ADAMTS13: variants seen among roughly 807,000 people sequenced by gnomAD.
The protein encoded by ADAMTS13 is A disintegrin and metalloproteinase with thrombospondin motifs 13.
ADAMTS13 carries 110 observed loss-of-function variants against 155.1 expected under a neutral mutation model. The observed-to-expected ratio is 0.71, with a 90% CI of 0.61 to 0.83. ADAMTS13 has a LOEUF of 0.83. Ranked by LOEUF, ADAMTS13 falls within the 40% of genes least tolerant of loss-of-function variation. The pLI, the probability that ADAMTS13 is intolerant of heterozygous loss-of-function variation, is 0.00. For missense variants in ADAMTS13, 1,707 were observed against 1,891.7 expected (o/e 0.90, Z 1.81); for synonymous variants, 758 against 756.4 (o/e 1.00, Z -0.03).
chr9:133,434,686 T>G (rs782734460), intron 11 of ADAMTS13, among the ~76,000 whole-genome samples: 3 of 152,230 alleles, frequency 2.0e-5, no homozygotes, highest in African/African-American at 4.8e-5. Context: ...TGGCCTTTAG[T>G]ACACTCACAA....
intron 1 of ADAMTS13, 66 bp from the exon 2 acceptor site, chr9:133,423,035 C>G: frequency 6.8e-7 from 1 of 1,480,444 alleles, no homozygotes; most frequent in Non-Finnish European, 9.4e-7. Flanking sequence ...CTCGGTCTCC[C>G]CAAGTGTTAG....
chr9:133,442,579 A>G (rs1554791170), intron 17 of ADAMTS13, 35 bp from the exon 18 acceptor site: 1 of 1,613,230 alleles, frequency 6.2e-7, no homozygotes, highest in African/African-American at 1.3e-5. Context: ...TTGCCCCTGC[A>G]GGGAGGCGGC....
At chr9:133,430,486 G>A (rs1015186331) in intron 8 of ADAMTS13, among the ~76,000 whole-genome samples, 1 of 152,074 alleles carries the variant, frequency 6.6e-6, no homozygotes. Context: ...AGCAGAAGTG[G>A]GGCTGGTAGG....
At chr9:133,452,567 T>G (rs1264253598) in intron 23 of ADAMTS13, among the ~76,000 whole-genome samples, 1 of 152,156 alleles carries the variant, frequency 6.6e-6, no homozygotes, top group Non-Finnish European at 1.5e-5. Context: ...ATTGCAGGGT[T>G]TTTCACACTG....
At position 133,424,568 on chromosome 9, in the gene ADAMTS13, A is replaced by G; in HGVS notation, c.330+90A>G. On this transcript the variant is annotated intron_variant, in intron 3 of 28. Coordinates refer to ENST00000355699, the MANE Select transcript of ADAMTS13 (RefSeq NM_139027.6). This position sits in a 1 kb window ranked among gnomAD's most constrained non-coding sequence, Gnocchi z 4.3. ...CTGGTGTATCTGGTAGTCTGAATAC[A>G]GTGGGTTAAACTCAGGTAGAATGGC... is the stretch of plus-strand genomic sequence containing the variant. 1.3e-6 allele frequency: 2 copies of G among 1,541,804 alleles called. No individual in the cohort carries two copies. The highest frequency in any genetic ancestry group is 8.8e-7 in the Non-Finnish European group (1 of 1,139,686).
intron 6 of ADAMTS13, among the ~76,000 whole-genome samples, 175 bp from the exon 7 acceptor site, chr9:133,428,459 T>C (rs953721278): frequency 6.6e-6 from 1 of 152,142 alleles, no homozygotes; most frequent in Non-Finnish European, 1.5e-5. Flanking sequence ...CACGCGACCC[T>C]CTCCACTGCG....
upstream of ADAMTS13, among the ~76,000 whole-genome samples, chr9:133,419,692 C>A (rs2130759991): frequency 6.6e-6 from 1 of 152,182 alleles, no homozygotes; most frequent in Non-Finnish European, 1.5e-5. Flanking sequence ...AGATGGGAAC[C>A]AGATATGGCA....
chr9:133,442,294 A>C, intron 16 of ADAMTS13, 105 bp from the exon 17 acceptor site: 3 of 1,567,524 alleles, frequency 1.9e-6, no homozygotes, highest in Non-Finnish European at 2.6e-6. Context: ...TGAACGAAAG[A>C]TTATAGGGAT....
rs142572218 is a variant in ADAMTS13, at chr9:133,454,548, C to T, written c.3178C>T (p.Arg1060Trp). 1,761 of 1,608,810 alleles carry T rather than the reference C, an allele frequency of 1.1e-3. 3 individuals carry two copies. The highest frequency in any genetic ancestry group is 1.3e-3 in the Non-Finnish European group (1,564 of 1,179,900). The stretch of plus-strand genomic sequence containing the variant: ...CGAGGCGGCCTGTGCGGCGCTGGTG[C>T]GGCCCGAGGCCAGTGTCCCCTGTCT... The part of the protein sequence containing the change: ...VDEAACAALV[R>W]PEASVPCLIA... The change falls in exon 24 of 29, where the codon CGG becomes TGG. Residue 1060 changes from arginine (R) to tryptophan (W), a missense_variant. Physicochemically the swap from Arg to Trp is moderately radical, Grantham distance 101. This residue lies in a region of ADAMTS13 where 961 missense variants were observed against 1,107.9 expected (regional missense o/e 0.87). Transcript: ENST00000355699.
chr9:133,423,224 ATC>A (rs1554784111), intron 2 of ADAMTS13, 57 bp downstream of exon 2: 13 of 1,514,566 alleles, frequency 8.6e-6, no homozygotes, highest in African/African-American at 1.4e-5. Context: ...TTCAAGGGGT[ATC>A]TCACCACTGA....
At chr9:133,414,389 C>G (rs188462603) in exon 1 of ADAMTS13, 101 of 647,026 alleles carry the variant, frequency 1.6e-4, no homozygotes, top group Non-Finnish European at 2.6e-4. Context: ...AGGCCTCATA[C>G]TTGGGTCTTT....
chr9:133,454,456 G>A lies in ADAMTS13; in HGVS notation c.3086G>A (p.Gly1029Asp), dbSNP rs1554795101. The change falls in exon 24 of 29, where the codon GGC becomes GAC. Residue 1029 changes from glycine to aspartate, a missense_variant. By Grantham distance (94) the Gly-to-Asp change is moderately conservative. Around this residue, in one of 3 missense-constraint regions of ADAMTS13, gnomAD observed 961 missense variants for 1,107.9 expected, o/e 0.87. Transcript: ENST00000355699. ...CTTGGCCCATGTTCGGCCAGCTGTG[G>A]CCTTGGCACTGCTAGACGCTCGGTG... ...MSLGPCSASC[G>D]LGTARRSVAC... 1 of 1,613,726 alleles carries A rather than the reference G, an allele frequency of 6.2e-7. No homozygotes were observed. Among genetic ancestry groups the A allele is most frequent in the South Asian group, 1.1e-5 (1 of 91,090 alleles).
intron 23 of ADAMTS13, among the ~76,000 whole-genome samples, chr9:133,453,532 C>T (rs185865819): frequency 6.6e-6 from 1 of 151,612 alleles, no homozygotes; most frequent in Admixed American, 6.6e-5. Flanking sequence ...CATGATGGCA[C>T]ATGCCTGTAG....
chr9:133,458,555 CAAAAAAAAA>C (rs10699153), intron 28 of ADAMTS13, among the ~76,000 whole-genome samples: 3 of 56,228 alleles, frequency 5.3e-5, no homozygotes, highest in African/African-American at 7.4e-5. Flanking sequence ...GACTCTGTCT[CAAAAAAAAA>C]AAAAAAAAAA....
Position 133,425,573 on chromosome 9 carries a change from G to C in ADAMTS13, c.375G>C (p.Arg125=), listed in dbSNP as rs1554784995. ...ACCCGTCCCTGGGGGCTCAGTTTCG[G>C]GTGCACCTGGTGAAGATGGTCATTC... ...LRDPSLGAQF[R]VHLVKMVILT... The change falls in exon 4 of 29, where the codon CGG becomes CGC. Residue 125 remains arginine, a synonymous_variant. Coordinates refer to ENST00000355699, the MANE Select transcript of ADAMTS13 (RefSeq NM_139027.6). This position sits in a 1 kb window ranked among gnomAD's most constrained non-coding sequence, Gnocchi z 4.6. The C allele has an allele frequency of 1.9e-6, 3 of 1,613,698 alleles. No individual in the cohort carries two copies. In the South Asian group the frequency reaches 3.3e-5, roughly 18 times the overall value.
In ADAMTS13 at chr9:133,437,917, G is replaced by A; in HGVS notation, c.1584+20G>A. 1 of 1,613,018 alleles carries A rather than the reference G, an allele frequency of 6.2e-7. No homozygotes were observed. Among genetic ancestry groups the A allele is most frequent in the Non-Finnish European group, 8.5e-7 (1 of 1,179,914 alleles). ...TGCAGGGTAGGCGTGTGTGGACATT[G>A]GCGATGGCCCTGGGGCCTACCTGTC... On this transcript the variant is annotated intron_variant, in intron 13 of 28. Transcript: ENST00000355699.
chr9:133,454,528 C>T lies in ADAMTS13; in HGVS notation c.3158C>T (p.Ala1053Val), dbSNP rs373530345. 58 of 1,610,408 alleles carry T rather than the reference C, an allele frequency of 3.6e-5. No homozygotes were observed. The African/African-American group carries it at 6.3e-4, about 17-fold the overall frequency. The change falls in exon 24 of 29, where the codon GCG becomes GTG. Residue 1053 changes from alanine to valine, a missense_variant. Coordinates refer to ENST00000355699, the MANE Select transcript of ADAMTS13 (RefSeq NM_139027.6). ...GGCCAGGACGTGGAGGTGGACGAGG[C>T]GGCCTGTGCGGCGCTGGTGCGGCCC... ...DQGQDVEVDE[A>V]ACAALVRPEA...
At position 133,439,474 on chromosome 9, in the gene ADAMTS13, G is replaced by C. The variant is rs781792697; in HGVS notation, c.1786+28G>C. ...GAGTTGACTGGAGGACTCCCACCCA[G>C]TTAGCTAGACTGCAAAGGTGCAGAG... On this transcript the variant is annotated intron_variant, in intron 15 of 28. Transcript: ENST00000355699. 1.7e-5 allele frequency: 27 copies of C among 1,582,578 alleles called. 1 individual carries two copies. The South Asian group carries it at 2.9e-4, about 17-fold the overall frequency.
At chr9:133,439,702 C>A (rs1358015303) in intron 15 of ADAMTS13, among the ~76,000 whole-genome samples, 2 of 152,196 alleles carry the variant, frequency 1.3e-5, no homozygotes, top group African/African-American at 4.8e-5. Context: ...AGGGTCCAAC[C>A]AGGAGGCCTG....
Sources: allele counts gnomAD v4.1 joint callset (sites outside exome capture counted in the v4.1 genomes callset), GRCh38; gene constraint gnomAD v4.1.1; regional missense constraint gnomAD v4.1.1; non-coding constraint Gnocchi (gnomAD v3.1); transcripts MANE v1.5; gene names NCBI Gene and HGNC (gene_info 2026-07-23, HGNC 2026-07-21).